The following METTL15 variants were observed in gnomAD, a reference collection of about 807,000 sequenced individuals.
METTL15 encodes methyltransferase 15, mitochondrial 12S rRNA N4-cytidine.
Under a neutral mutation model 38.3 loss-of-function variants are expected in METTL15, and 34 were observed. The ratio of observed to expected loss-of-function variants is 0.89; its 90% confidence interval spans 0.68 to 1.18. METTL15 has a LOEUF of 1.18. Ranked by LOEUF, METTL15 falls within the 50% of genes most tolerant of loss-of-function variation. The pLI is 0.00. For missense variants in METTL15, 438 were observed against 498.4 expected, an observed-to-expected ratio of 0.88 and a Z score of 1.15; for synonymous variants, 162 against 170.9, an observed-to-expected ratio of 0.95 and a Z score of 0.41.
At chr11:28,138,959 A>T (rs1338733440) in intron 3 of METTL15, among the ~76,000 whole-genome samples, 1 of 152,128 alleles carries the variant, frequency 6.6e-6, no homozygotes, top group Non-Finnish European at 1.5e-5. Context: ...TAGCCTCACA[A>T]ATCCTTTTTT....
Position 28,408,786 on chromosome 11 carries a change from A to T in METTL15, c.*359-15513A>T, listed in dbSNP as rs75157445. Among the ~76,000 whole-genome samples the T allele has an allele frequency of 2.6e-3, 390 of 152,330 alleles. 1 individual carries two copies. The highest frequency in any genetic ancestry group is 7.4e-3 in the African/African-American group (309 of 41,578). On this transcript the variant is annotated intron_variant and NMD_transcript_variant, in intron 5 of 7. Transcript: ENST00000532947. The stretch of plus-strand genomic sequence containing the variant: ...AACACATGCACACACACACATGTAC[A>T]TATATATCAAATCTTGAAGTAAATA...
At chr11:28,329,215 C>G (rs1035872334) in intron 6 of METTL15, among the ~76,000 whole-genome samples, 1 of 152,024 alleles carries the variant, frequency 6.6e-6, no homozygotes, top group African/African-American at 2.4e-5. Context: ...AAAGGCTTTT[C>G]CCAATTGAAT....
At position 28,330,457 on chromosome 11, in the gene METTL15, T is replaced by G. The variant is rs1275043542; in HGVS notation, c.840T>G (p.Ile280Met). 54 of 1,551,562 alleles carry G rather than the reference T, an allele frequency of 3.5e-5. No homozygotes were observed. Among genetic ancestry groups the G allele is most frequent in the Non-Finnish European group, 4.4e-5 (50 of 1,146,972 alleles). Residue 280 changes from isoleucine (I) to methionine (M), a missense_variant, in exon 7 of 7, where the codon ATT (isoleucine) becomes ATG (methionine). Transcript: ENST00000407364. Reference sequence around the variant, plus strand: ...ACTTACTACAGCGATCTACCCATATTGCCACCAAGACTTTCCAGGCTCTTC... The same window carrying G: ...ACTTACTACAGCGATCTACCCATATGGCCACCAAGACTTTCCAGGCTCTTC... ...RKDLLQRSTH[I>M]ATKTFQALRI...
At chr11:28,137,179 C>T (rs1042656454) in intron 3 of METTL15, among the ~76,000 whole-genome samples, 6 of 152,104 alleles carry the variant, frequency 3.9e-5, no homozygotes, top group Non-Finnish European at 5.9e-5. Context: ...TATTTCAATG[C>T]GCAATTTATG....
chr11:28,349,770 A>G (rs1001747357), intron 3 of METTL15, among the ~76,000 whole-genome samples: 7 of 152,208 alleles, frequency 4.6e-5, no homozygotes, highest in Non-Finnish European at 1.0e-4. Flanking sequence ...GTCCTCGTCA[A>G]TCTCCATCTT....
chr11:28,230,373 T>C (rs1209405357), intron 4 of METTL15, among the ~76,000 whole-genome samples: 1 of 151,942 alleles, frequency 6.6e-6, no homozygotes, highest in African/African-American at 2.4e-5. Context: ...ATGCAAATGA[T>C]ATTTATATTA....
intron 6 of METTL15, among the ~76,000 whole-genome samples, chr11:28,438,086 C>G (rs1309938628): frequency 6.6e-6 from 1 of 152,102 alleles, no homozygotes; most frequent in Non-Finnish European, 1.5e-5. Context: ...CTTATTATTC[C>G]TATTTTAAGA....
intron 3 of METTL15, among the ~76,000 whole-genome samples, chr11:28,156,624 G>A (rs1038579104): frequency 2.0e-5 from 3 of 152,126 alleles, no homozygotes; most frequent in Non-Finnish European, 4.4e-5. Flanking sequence ...AGGGAGAAGG[G>A]AAAGGGAATG....
chr11:28,182,614 T>C (rs961708464), intron 3 of METTL15, among the ~76,000 whole-genome samples: 2 of 152,154 alleles, frequency 1.3e-5, no homozygotes, highest in African/African-American at 4.8e-5. Context: ...CATTGGTCTA[T>C]ATATCTGTTT....
chr11:28,497,968 C>A (rs1325540356), intron 6 of METTL15, among the ~76,000 whole-genome samples: 1 of 150,944 alleles, frequency 6.6e-6, no homozygotes, highest in Non-Finnish European at 1.5e-5. Flanking sequence ...GCATGAGAAT[C>A]GCTTGAACCT....
chr11:28,298,372 T>C (rs951530432), intron 6 of METTL15, among the ~76,000 whole-genome samples: 9 of 151,964 alleles, frequency 5.9e-5, no homozygotes, highest in Admixed American at 5.9e-4. Flanking sequence ...GAAAATGAGG[T>C]GTTGGGGCTA....
At chr11:28,458,641 G>A (rs181117294) in intron 6 of METTL15, among the ~76,000 whole-genome samples, 9 of 152,300 alleles carry the variant, frequency 5.9e-5, no homozygotes, top group African/African-American at 2.2e-4. Flanking sequence ...GTGTCACCAT[G>A]TGGAAATCCT....
chr11:28,327,252 C>A (rs1183389274), intron 6 of METTL15, among the ~76,000 whole-genome samples: 2 of 152,172 alleles, frequency 1.3e-5, no homozygotes, highest in Non-Finnish European at 2.9e-5. Context: ...AGACATAATG[C>A]AGGTCAAAAT....
At chr11:28,368,801 C>T (rs918214872) in intron 5 of METTL15, among the ~76,000 whole-genome samples, 1 of 152,122 alleles carries the variant, frequency 6.6e-6, no homozygotes, top group Admixed American at 6.6e-5. Flanking sequence ...GGCATGTATA[C>T]ACCATGGAAT....
In METTL15 at chr11:28,284,302, A is replaced by G. The variant is rs769610096; in HGVS notation, c.408-5904A>G. Among the ~76,000 whole-genome samples the G allele has an allele frequency of 3.3e-5, 5 of 152,304 alleles. No individual in the cohort carries two copies. In the South Asian group the frequency reaches 6.2e-4, roughly 19 times the overall value. On this transcript the variant is annotated intron_variant, in intron 4 of 6. Coordinates refer to ENST00000407364, the MANE Select transcript of METTL15 (RefSeq NM_001113528.2). Reference sequence around the variant, plus strand: ...TTTACTCATAGTGAGTTATGAAACTATATGAATATTTTCTGTTAAACAGCT... The same window carrying G: ...TTTACTCATAGTGAGTTATGAAACTGTATGAATATTTTCTGTTAAACAGCT...
chr11:28,509,307 A>G (rs1851655688), intron 6 of METTL15, among the ~76,000 whole-genome samples: 1 of 152,204 alleles, frequency 6.6e-6, no homozygotes, highest in South Asian at 2.1e-4. Context: ...GAATGTCTGA[A>G]GCATTTTGAC....
intron 5 of METTL15, among the ~76,000 whole-genome samples, chr11:28,384,957 A>G (rs1288026994): frequency 6.6e-6 from 1 of 152,036 alleles, no homozygotes; most frequent in Non-Finnish European, 1.5e-5. Flanking sequence ...AAAAGTATCA[A>G]TTCATGTCCT....
intron 6 of METTL15, among the ~76,000 whole-genome samples, chr11:28,513,824 G>T (rs956042645): frequency 6.6e-6 from 1 of 152,266 alleles, no homozygotes; most frequent in African/African-American, 2.4e-5. Context: ...GTTTAAGAAC[G>T]CCTTTAAGCA....
intron 4 of METTL15, among the ~76,000 whole-genome samples, chr11:28,285,836 G>T (rs1471854948): frequency 6.6e-6 from 1 of 152,060 alleles, no homozygotes; most frequent in Non-Finnish European, 1.5e-5. Context: ...ATGGAAAAAA[G>T]AAGAATCTTC....
Sources: allele counts gnomAD v4.1 joint callset (sites outside exome capture counted in the v4.1 genomes callset), GRCh38; gene constraint gnomAD v4.1.1; transcripts MANE v1.5; gene names NCBI Gene and HGNC (gene_info 2026-07-23, HGNC 2026-07-21).